Variants in VPS13B observed in about 807,000 individuals in gnomAD.
VPS13B encodes the protein vacuolar protein sorting 13 homolog B, also known as intermembrane lipid transfer protein VPS13B.
A neutral mutation model predicts 426.4 loss-of-function variants in VPS13B; 285 were observed. The ratio of observed to expected loss-of-function variants is 0.67; its 90% CI spans 0.61 to 0.74. VPS13B has a LOEUF of 0.74. VPS13B is among the 30% of genes least tolerant of loss of function. The pLI, the probability that VPS13B is intolerant of heterozygous loss-of-function variation, is 0.00. For synonymous variants in VPS13B, 1,676 were observed against 1,676.4 expected (o/e 1.00, Z 0.01); for missense variants, 4,537 against 4,782.6 (o/e 0.95, Z 1.51).
At chr8:99,325,662 C>G (rs1453697539) in intron 19 of VPS13B, among the ~76,000 whole-genome samples, 3 of 152,088 alleles carry the variant, frequency 2.0e-5, no homozygotes, top group Admixed American at 1.3e-4. Context: ...TTATTTAGTT[C>G]CCTTAACATT....
intron 36 of VPS13B, among the ~76,000 whole-genome samples, chr8:99,713,617 G>T (rs1356429248): frequency 6.6e-6 from 1 of 152,108 alleles, no homozygotes; most frequent in African/African-American, 2.4e-5. Context: ...GTATACAGGG[G>T]TTGCTATACA....
chr8:99,202,674 G>A (rs545547723), intron 17 of VPS13B, among the ~76,000 whole-genome samples: 35 of 152,110 alleles, frequency 2.3e-4, no homozygotes, highest in African/African-American at 7.7e-4. Flanking sequence ...AGAAAAAGAG[G>A]GACTCCTCCC....
chr8:99,028,253 C>T (rs918673883), intron 2 of VPS13B, among the ~76,000 whole-genome samples: 10 of 151,894 alleles, frequency 6.6e-5, no homozygotes, highest in East Asian at 3.9e-4. Flanking sequence ...GGGTCGTGGC[C>T]GGGCAGAGGG....
rs71273165 is a variant in VPS13B at position 99,128,386 on chromosome 8, CAAAAAAAAAAAAA to C, written c.1207-6217_1207-6205del. 2.9e-4 allele frequency among the ~76,000 whole-genome samples: 10 copies of C among 34,220 alleles called. No individual in the cohort carries two copies. The South Asian group carries it at 6.1e-3, about 21-fold the overall frequency. The allele number at this position is 34,220 out of a possible 152,430, so 22.4% of individuals were successfully genotyped here. On this transcript the variant is annotated intron_variant, in intron 8 of 61. Coordinates refer to ENST00000357162, the MANE Select transcript of VPS13B (RefSeq NM_152564.5). Reference sequence around the variant, plus strand: ...TGGGTGACAGAGCAAGATACTGTCCCAAAAAAAAAAAAAAAAAAAAAAAAAAAAAAAAAAAAAA... The same window carrying C: ...TGGGTGACAGAGCAAGATACTGTCCCAAAAAAAAAAAAAAAAAAAAAAAAA...
intron 19 of VPS13B, among the ~76,000 whole-genome samples, chr8:99,335,920 G>A (rs1055221329): frequency 6.6e-6 from 1 of 152,186 alleles, no homozygotes; most frequent in South Asian, 2.1e-4. Context: ...AATCAATATT[G>A]TGAAAATGGC....
chr8:99,028,300 T>C (rs62532621), intron 2 of VPS13B, among the ~76,000 whole-genome samples: 120,456 of 147,074 alleles, frequency 0.82, 49,656 homozygotes, highest in South Asian at 0.88. Flanking sequence ...CGGGCAGAGG[T>C]GCCCCTCACC....
chr8:99,304,691 A>G (rs369612552), intron 19 of VPS13B, among the ~76,000 whole-genome samples: 1 of 152,298 alleles, frequency 6.6e-6, no homozygotes, highest in South Asian at 2.1e-4. Context: ...TATTCTCTGT[A>G]CAATGAATGG....
Position 99,014,062 on chromosome 8 carries a change from C to T in VPS13B, c.147+127C>T, listed in dbSNP as rs533336132. On this transcript the variant is annotated intron_variant, in intron 2 of 61. Coordinates refer to ENST00000357162, the MANE Select transcript of VPS13B (RefSeq NM_152564.5). Reference sequence around the variant, plus strand: ...TTTCTACTGATGTATTTTGAGCTACCCTGAAACAAGGGGGCTTTATTTTAC... The same window carrying T: ...TTTCTACTGATGTATTTTGAGCTACTCTGAAACAAGGGGGCTTTATTTTAC... The T allele has an allele frequency of 4.4e-6, 5 of 1,128,376 alleles. No individual in the cohort carries two copies. The African/African-American group carries it at 4.7e-5, about 11-fold the overall frequency. 69.9% of individuals were successfully genotyped at this position (1,128,376 alleles called of 1,614,324 possible). A position where few individuals can be genotyped will look rare whatever the true frequency, so the allele number is the denominator to read the frequency against.
At chr8:99,103,779 G>A (rs1846894198) in intron 5 of VPS13B, among the ~76,000 whole-genome samples, 1 of 152,072 alleles carries the variant, frequency 6.6e-6, no homozygotes, top group African/African-American at 2.4e-5. Flanking sequence ...GATTACAGAT[G>A]TGAGCCACTG....
rs149916840 is a variant in VPS13B, at chr8:99,559,760, T to A, written c.4949+3107T>A. Among the ~76,000 whole-genome samples, 9 of 152,074 alleles carry A rather than the reference T, an allele frequency of 5.9e-5. No individual in the cohort carries two copies. The East Asian group carries it at 7.8e-4, about 13-fold the overall frequency. ...CTGAGGGCTCTATTCTGTTCCATTG[T>A]TCTATATCTCTGTTTTGGTACCAGT... On this transcript the variant is annotated intron_variant, in intron 31 of 61. Transcript: ENST00000357162.
intron 21 of VPS13B, among the ~76,000 whole-genome samples, chr8:99,403,611 C>T (rs1315733958): frequency 6.6e-6 from 1 of 151,852 alleles, no homozygotes; most frequent in South Asian, 2.1e-4. Flanking sequence ...AATCATGTGC[C>T]GACCTCTTGG....
intron 30 of VPS13B, among the ~76,000 whole-genome samples, chr8:99,521,250 A>G (rs970367969): frequency 6.6e-6 from 1 of 152,228 alleles, no homozygotes; most frequent in Non-Finnish European, 1.5e-5. Flanking sequence ...ATAAAACTGA[A>G]GAAGCATAGT....
intron 33 of VPS13B, among the ~76,000 whole-genome samples, chr8:99,600,474 A>G (rs1183375613): frequency 6.6e-6 from 1 of 152,186 alleles, no homozygotes; most frequent in African/African-American, 2.4e-5. Context: ...TTGTCCTTGT[A>G]TATAATTTGC....
intron 3 of VPS13B, among the ~76,000 whole-genome samples, chr8:99,064,640 C>T (rs975403814): frequency 3.9e-5 from 6 of 152,182 alleles, no homozygotes; most frequent in African/African-American, 1.4e-4. Flanking sequence ...GATTAGTGTA[C>T]CTGAAAGTGA....
At chr8:99,088,322 T>G (rs940418405) in intron 3 of VPS13B, among the ~76,000 whole-genome samples, 4 of 152,182 alleles carry the variant, frequency 2.6e-5, no homozygotes, top group Non-Finnish European at 2.9e-5. Context: ...GTCAGGCATC[T>G]GTTTTTCTGT....
At chr8:99,360,192 C>CTT (rs1812461511) in intron 19 of VPS13B, among the ~76,000 whole-genome samples, 16 of 33,842 alleles carry the variant, frequency 4.7e-4, no homozygotes, top group African/African-American at 5.6e-4. Context: ...CTTTCTTTCT[C>CTT]TCTCTCTCTC....
chr8:99,431,349 C>A (rs967090983), intron 21 of VPS13B, among the ~76,000 whole-genome samples, 188 bp from the exon 22 acceptor site: 5 of 152,116 alleles, frequency 3.3e-5, no homozygotes, highest in Admixed American at 6.5e-5. Context: ...CAAATTAGGC[C>A]TGCTTATTTT....
intron 51 of VPS13B, among the ~76,000 whole-genome samples, chr8:99,831,017 GA>G (rs1034475478): frequency 6.7e-6 from 1 of 148,706 alleles, no homozygotes; most frequent in Non-Finnish European, 1.5e-5. Flanking sequence ...GTCTCGCTGG[GA>G]GCTGCAGAAC....
chr8:99,613,833 A>G (rs1219555076), intron 33 of VPS13B: 2 of 152,286 alleles, frequency 1.3e-5, no homozygotes, highest in African/African-American at 2.4e-5. Context: ...GTGACTATTC[A>G]TAGGCGCAGT....
Sources: gnomAD v4.1 joint callset for allele counts (sites outside exome capture counted in the v4.1 genomes callset) on GRCh38, gnomAD v4.1.1 for gene constraint, MANE v1.5 for transcripts, NCBI Gene and HGNC (gene_info 2026-07-23, HGNC 2026-07-21) for gene names.